ST6GALNAC5: variants seen among roughly 807,000 people sequenced by gnomAD.
ST6GALNAC5 encodes the protein ST6 N-acetylgalactosaminide alpha-2,6-sialyltransferase 5.
Under a neutral mutation model 33.6 loss-of-function variants are expected in ST6GALNAC5, and 27 were observed. The ratio of observed to expected loss-of-function variants is 0.80; its 90% CI spans 0.59 to 1.11. The LOEUF (loss-of-function observed/expected upper bound fraction) is 1.11. ST6GALNAC5 is among the 50% of genes least tolerant of loss of function. The pLI is 0.00. For missense variants in ST6GALNAC5, 428 were observed against 454.0 expected (o/e 0.94, Z 0.52); for synonymous variants, 194 against 171.2 (o/e 1.13, Z -1.04).
intron 2 of ST6GALNAC5, among the ~76,000 whole-genome samples, chr1:76,994,522 A>G (rs2100400416): frequency 6.6e-6 from 1 of 152,318 alleles, no homozygotes; most frequent in African/African-American, 2.4e-5. Context: ...TCTTTTCTGA[A>G]GTTTCATTTT....
chr1:76,958,537 GT>G (rs143966539), intron 2 of ST6GALNAC5, among the ~76,000 whole-genome samples: 58,548 of 151,968 alleles, frequency 0.39, 12,028 homozygotes, highest in Admixed American at 0.52. Flanking sequence ...CAGCAATAAG[GT>G]TTTAGAGAGA....
chr1:76,908,801 C>G (rs189646521), intron 2 of ST6GALNAC5, among the ~76,000 whole-genome samples: 1 of 152,062 alleles, frequency 6.6e-6, no homozygotes, highest in East Asian at 1.9e-4. Context: ...ATTACCTGGC[C>G]CAGAGCAAGT....
rs1204477641 is a variant in ST6GALNAC5, at chr1:77,066,915, G to A, written c.*3709G>A. Among the ~76,000 whole-genome samples the A allele has an allele frequency of 6.6e-6, 1 of 152,152 alleles. No homozygotes were observed. The highest frequency in any genetic ancestry group is 1.5e-5 in the Non-Finnish European group (1 of 68,028). On this transcript the variant is annotated 3_prime_UTR_variant, in exon 5 of 5. Transcript: ENST00000477717. The stretch of plus-strand genomic sequence containing the variant: ...GGTTTTTAAACTAAAGATCTATCTG[G>A]GAAACAGATTTGGGGTAGGTCCTGC...
At chr1:76,959,021 C>T (rs1204368548) in intron 2 of ST6GALNAC5, among the ~76,000 whole-genome samples, 4 of 152,040 alleles carry the variant, frequency 2.6e-5, no homozygotes, top group Non-Finnish European at 5.9e-5. Context: ...TCCTCTTTGC[C>T]AAGCATTCAC....
intron 2 of ST6GALNAC5, among the ~76,000 whole-genome samples, chr1:76,954,360 C>G (rs1040558082): frequency 6.6e-6 from 1 of 151,982 alleles, no homozygotes; most frequent in African/African-American, 2.4e-5. Flanking sequence ...GGAGAACAAC[C>G]CACACTGAGG....
chr1:76,990,951 G>A (rs551381767), intron 2 of ST6GALNAC5, among the ~76,000 whole-genome samples: 2 of 152,262 alleles, frequency 1.3e-5, no homozygotes, highest in East Asian at 1.9e-4. Flanking sequence ...TGCATAGCTA[G>A]GGCTTCTGGA....
rs1193397941 is a variant in ST6GALNAC5 at position 77,058,368 on chromosome 1, G to C, written c.780-4607G>C. On this transcript the variant is annotated intron_variant, in intron 4 of 4. Coordinates refer to ENST00000477717, the MANE Select transcript of ST6GALNAC5 (RefSeq NM_030965.3). ...CGTGGGGCCTAGTGGCAGGTGTTTGGGTCATGGGGGCAGATCCCTCATGAA... is the reference window on the plus strand; with the variant it reads ...CGTGGGGCCTAGTGGCAGGTGTTTGCGTCATGGGGGCAGATCCCTCATGAA... 2.0e-5 allele frequency among the ~76,000 whole-genome samples: 3 copies of C among 152,332 alleles called. No homozygotes were observed. In the East Asian group the frequency reaches 5.8e-4, roughly 29 times the overall value.
intron 2 of ST6GALNAC5, among the ~76,000 whole-genome samples, chr1:76,987,201 T>C (rs1649543751): frequency 6.6e-6 from 1 of 151,512 alleles, no homozygotes; most frequent in Non-Finnish European, 1.5e-5. Flanking sequence ...ACAAAATCAA[T>C]AATAAGAAAA....
chr1:77,034,849 T>C (rs1267190429), intron 2 of ST6GALNAC5, among the ~76,000 whole-genome samples: 1 of 152,186 alleles, frequency 6.6e-6, no homozygotes, highest in Non-Finnish European at 1.5e-5. Context: ...TTTCGGTGAG[T>C]ACCCAGTGAC....
At chr1:77,036,313 G>A (rs1651644316) in intron 2 of ST6GALNAC5, among the ~76,000 whole-genome samples, 1 of 152,146 alleles carries the variant, frequency 6.6e-6, no homozygotes, top group Non-Finnish European at 1.5e-5. Context: ...TCAGGATGAT[G>A]GAAATGTTCT....
At chr1:77,044,677 C>G in intron 3 of ST6GALNAC5, 64 bp downstream of exon 3, 1 of 1,500,752 alleles carries the variant, frequency 6.7e-7, no homozygotes. Context: ...GGCTGACTCA[C>G]CCAAAGCAAA....
intron 2 of ST6GALNAC5, among the ~76,000 whole-genome samples, chr1:77,035,454 G>A (rs1371829483): frequency 6.6e-6 from 1 of 152,134 alleles, no homozygotes; most frequent in Non-Finnish European, 1.5e-5. Context: ...TAAGTATAGA[G>A]AGGTACCCAA....
intron 2 of ST6GALNAC5, among the ~76,000 whole-genome samples, chr1:76,883,360 G>A (rs890944955): frequency 2.4e-4 from 36 of 152,168 alleles, no homozygotes; most frequent in Admixed American, 4.6e-4. Flanking sequence ...ATTGAAAACT[G>A]TATCTCAGAC....
At chr1:77,009,849 T>G (rs894981170) in intron 2 of ST6GALNAC5, among the ~76,000 whole-genome samples, 4 of 152,236 alleles carry the variant, frequency 2.6e-5, no homozygotes, top group African/African-American at 9.6e-5. Flanking sequence ...TGGAAAATAC[T>G]AAAATACTTT....
At chr1:76,992,346 A>G (rs1407987347) in intron 2 of ST6GALNAC5, among the ~76,000 whole-genome samples, 2 of 152,160 alleles carry the variant, frequency 1.3e-5, no homozygotes, top group African/African-American at 4.8e-5. Context: ...ATCTGCTGCC[A>G]CCACCTTCAC....
At chr1:76,911,782 T>C (rs1646915412) in intron 2 of ST6GALNAC5, among the ~76,000 whole-genome samples, 1 of 151,094 alleles carries the variant, frequency 6.6e-6, no homozygotes, top group African/African-American at 2.4e-5. Flanking sequence ...GTGGGATCGG[T>C]GGTTTGATTG....
rs746008453 is a variant in ST6GALNAC5 at position 77,063,109 on chromosome 1, A to G, written c.914A>G (p.Lys305Arg). The G allele has an allele frequency of 1.9e-6, 3 of 1,613,958 alleles. No homozygotes were observed. The highest frequency in any genetic ancestry group is 2.5e-6 in the Non-Finnish European group (3 of 1,179,880). Residue 305 changes from lysine to arginine, a missense_variant, in exon 5 of 5, where the codon AAG (lysine) becomes AGG (arginine). Coordinates refer to ENST00000477717, the MANE Select transcript of ST6GALNAC5 (RefSeq NM_030965.3). ...TTTATCACAGAGAAACGAGTCTTTAAGAACTGGGCACGGACATTCAATATT... is the reference window on the plus strand; with the variant it reads ...TTTATCACAGAGAAACGAGTCTTTAGGAACTGGGCACGGACATTCAATATT... ...HRFITEKRVF[K>R]NWARTFNIHF...
intron 2 of ST6GALNAC5, among the ~76,000 whole-genome samples, chr1:77,025,850 G>A (rs1256082711): frequency 3.9e-5 from 6 of 152,114 alleles, no homozygotes; most frequent in Non-Finnish European, 8.8e-5. Flanking sequence ...CCAGGCCCCA[G>A]AGACCCACCC....
Position 76,991,352 on chromosome 1 carries a change from A to G in ST6GALNAC5, c.262-52852A>G, listed in dbSNP as rs145202127. Among the ~76,000 whole-genome samples the G allele has an allele frequency of 8.5e-5, 13 of 152,318 alleles. No individual in the cohort carries two copies. The East Asian group carries it at 2.3e-3, about 27-fold the overall frequency. ...AGGCCATATATCAATTACAAGGTGA[A>G]TTTTAGGGCTCAACACAGTTATATA... On this transcript the variant is annotated intron_variant, in intron 2 of 4. Transcript: ENST00000477717.
Sources: allele counts gnomAD v4.1 joint callset (sites outside exome capture counted in the v4.1 genomes callset), GRCh38; gene constraint gnomAD v4.1.1; transcripts MANE v1.5; gene names NCBI Gene and HGNC (gene_info 2026-07-23, HGNC 2026-07-21).